LAMA4: variants seen among roughly 807,000 people sequenced by gnomAD.
The protein encoded by LAMA4 is laminin subunit alpha 4.
A neutral mutation model predicts 207.1 loss-of-function variants in LAMA4; 127 were observed. That is an observed-to-expected ratio of 0.61 (90% CI 0.53 to 0.71). The LOEUF (loss-of-function observed/expected upper bound fraction) is 0.71, where lower values mean the gene tolerates loss of function less well. Ranked by LOEUF, LAMA4 falls within the 30% of genes least tolerant of loss-of-function variation. The pLI, the probability that LAMA4 is intolerant of heterozygous loss-of-function variation, is 0.00. For missense variants in LAMA4, 2,093 were observed against 2,246.5 expected, an observed-to-expected ratio of 0.93 and a Z score of 1.38; for synonymous variants, 761 against 816.0, an observed-to-expected ratio of 0.93 and a Z score of 1.15.
At chr6:112,231,816 G>C (rs1390067356) in intron 2 of LAMA4, among the ~76,000 whole-genome samples, 4 of 152,304 alleles carry the variant, frequency 2.6e-5, no homozygotes, top group African/African-American at 7.2e-5. Flanking sequence ...CTGCAATTCT[G>C]ACTGAGCCAT....
chr6:112,157,348 C>T (rs1554337248), intron 14 of LAMA4, among the ~76,000 whole-genome samples: 2 of 152,142 alleles, frequency 1.3e-5, no homozygotes, highest in Non-Finnish European at 2.9e-5. Context: ...AGTACTAACT[C>T]AGTATTCAAA....
intron 2 of LAMA4, among the ~76,000 whole-genome samples, chr6:112,243,146 GAGA>G (rs1554188004): frequency 1.1e-4 from 16 of 152,282 alleles, no homozygotes; most frequent in Middle Eastern, 3.4e-3. Flanking sequence ...TGACCACATG[GAGA>G]CACACTTAGG....
chr6:112,197,597 A>T (rs1200167398), intron 5 of LAMA4, among the ~76,000 whole-genome samples: 1 of 152,252 alleles, frequency 6.6e-6, no homozygotes, highest in Non-Finnish European at 1.5e-5. Flanking sequence ...TTCAAATACA[A>T]CATAAATAAA....
At chr6:112,228,572 G>A (rs1026832974) in intron 2 of LAMA4, among the ~76,000 whole-genome samples, 2 of 152,154 alleles carry the variant, frequency 1.3e-5, no homozygotes, top group Non-Finnish European at 2.9e-5. Flanking sequence ...GGCCATAAAA[G>A]CTAGAAACAG....
chr6:112,162,263 G>T (rs940517795), intron 13 of LAMA4: 1 of 152,242 alleles, frequency 6.6e-6, no homozygotes. Flanking sequence ...CTGAGGTCAG[G>T]AGTTTGAGAC....
chr6:112,217,943 A>G (rs1784721757), intron 2 of LAMA4: 2 of 152,222 alleles, frequency 1.3e-5, no homozygotes, highest in South Asian at 4.1e-4. Context: ...TTTCATTGTG[A>G]TGCAGTACAC....
At chr6:112,190,923 C>A (rs1018468442) in intron 6 of LAMA4, among the ~76,000 whole-genome samples, 2 of 97,238 alleles carry the variant, frequency 2.1e-5, no homozygotes, top group African/African-American at 8.3e-5. Flanking sequence ...TTCTTTCTTT[C>A]TTTCTTTCTT....
At position 112,201,684 on chromosome 6, in the gene LAMA4, CA is replaced by C; in HGVS notation, c.426del (p.Phe142LeufsTer56). On this transcript the variant is annotated frameshift_variant, in exon 5 of 39. Transcript: ENST00000230538. LOFTEE classifies it high-confidence loss of function. ...CPCPLPHLAN[F>X]AESCYRKNGA... ...CCATTTTTCCTATAGCAGGATTCTG[CA>C]AAACTAAAATTGGAAGCAAATATTG... is the stretch of plus-strand genomic sequence containing the variant. 1 of 1,613,590 alleles carries C rather than the reference CA, an allele frequency of 6.2e-7. No homozygotes were observed. Among genetic ancestry groups the C allele is most frequent in the Non-Finnish European group, 8.5e-7 (1 of 1,179,606 alleles).
chr6:112,216,614 T>G, intron 2 of LAMA4, 145 bp from the exon 3 acceptor site: 1 of 682,964 alleles, frequency 1.5e-6, no homozygotes, highest in Non-Finnish European at 2.7e-6. Context: ...CAAAACATAC[T>G]AAAATAAACT....
intron 13 of LAMA4, 93 bp from the exon 14 acceptor site, chr6:112,158,973 T>C (rs1285450172): frequency 2.3e-6 from 2 of 886,022 alleles, no homozygotes; most frequent in African/African-American, 3.4e-5. Context: ...TCTTTCTTAT[T>C]ATGAAGGTCA....
Position 112,115,924 on chromosome 6 carries a change from G to A in LAMA4, c.5051C>T (p.Thr1684Ile), listed in dbSNP as rs587693177. ...FEVRPRSSSG[T>I]LVHGHSVNGE... is the part of the protein sequence containing the mutation. ...ATTGACACTGTGGCCGTGGACCAGG[G>A]TTCCGGAACTGCTTCTGGGACGGAC... Residue 1684 changes from threonine (T) to isoleucine (I), a missense_variant, in exon 36 of 39, where the codon ACC (threonine) becomes ATC (isoleucine). Around this residue, in one of 3 missense-constraint regions of LAMA4, gnomAD observed 383 missense variants for 437.8 expected, o/e 0.87. Coordinates refer to ENST00000230538, the MANE Select transcript of LAMA4 (RefSeq NM_001105206.3). The A allele has an allele frequency of 6.2e-7, 1 of 1,613,410 alleles. No homozygotes were observed. Among genetic ancestry groups the A allele is most frequent in the African/African-American group, 1.3e-5 (1 of 74,974 alleles).
At chr6:112,253,857 G>C (rs375569382) in intron 2 of LAMA4, 99 bp downstream of exon 2, 1 of 1,614,242 alleles carries the variant, frequency 6.2e-7, no homozygotes, top group Non-Finnish European at 8.5e-7. Flanking sequence ...CAAGGCACTG[G>C]GGAGAGGAAA....
intron 2 of LAMA4, among the ~76,000 whole-genome samples, chr6:112,251,982 G>A (rs1554189950): frequency 6.6e-6 from 1 of 152,086 alleles, no homozygotes; most frequent in Non-Finnish European, 1.5e-5. Context: ...ATAATATTAA[G>A]TAAAAGAAAA....
chr6:112,130,897 A>G, intron 29 of LAMA4, 71 bp downstream of exon 29: 3 of 1,505,498 alleles, frequency 2.0e-6, no homozygotes, highest in East Asian at 2.3e-5. Flanking sequence ...CCTATTATTC[A>G]TAGTGGTTTT....
rs1016902337 is a variant in LAMA4 at position 112,238,475 on chromosome 6, C to T, written c.195+15481G>A. 7.9e-5 allele frequency among the ~76,000 whole-genome samples: 12 copies of T among 152,094 alleles called. No homozygotes were observed. The South Asian group carries it at 8.3e-4, about 11-fold the overall frequency. ...CTGTAATTCCAGCACTTTGGGAGGC[C>T]GAGACGGTTGGATCACTTGAGGTCA... On this transcript the variant is annotated intron_variant, in intron 2 of 38. Transcript: ENST00000230538.
At chr6:112,227,676 A>T (rs1281435715) in intron 2 of LAMA4, among the ~76,000 whole-genome samples, 3 of 152,236 alleles carry the variant, frequency 2.0e-5, no homozygotes, top group Non-Finnish European at 4.4e-5. Context: ...GCAAAATAAC[A>T]TTCCTTACTT....
chr6:112,121,651 C>A, intron 32 of LAMA4: 1 of 311,934 alleles, frequency 3.2e-6, no homozygotes, highest in South Asian at 3.0e-5. Flanking sequence ...TTTAGCAGTT[C>A]AAATGCACTC....
intron 2 of LAMA4, among the ~76,000 whole-genome samples, chr6:112,244,342 A>G (rs946179370): frequency 9.2e-5 from 14 of 152,210 alleles, no homozygotes; most frequent in Non-Finnish European, 1.8e-4. Context: ...AATGTCTGGA[A>G]GTTACCCTAT....
intron 2 of LAMA4, among the ~76,000 whole-genome samples, chr6:112,244,563 G>A (rs781906657): frequency 3.9e-5 from 6 of 151,944 alleles, no homozygotes; most frequent in Non-Finnish European, 7.4e-5. Context: ...TTACTCTGTC[G>A]GCTGGTTCTT....
Sources: allele counts gnomAD v4.1 joint callset (sites outside exome capture counted in the v4.1 genomes callset), GRCh38; gene constraint gnomAD v4.1.1; regional missense constraint gnomAD v4.1.1; transcripts MANE v1.5; gene names NCBI Gene and HGNC (gene_info 2026-07-23, HGNC 2026-07-21).